The following PTPRD variants were observed in gnomAD, a reference collection of about 807,000 sequenced individuals.
PTPRD encodes receptor-type tyrosine-protein phosphatase delta.
A neutral mutation model predicts 214.5 loss-of-function variants in PTPRD; 34 were observed. The ratio of observed to expected loss-of-function variants is 0.16; its 90% CI spans 0.12 to 0.21. The LOEUF is 0.21. PTPRD is among the 10% of genes least tolerant of loss of function. The pLI, the probability that PTPRD is intolerant of heterozygous loss-of-function variation, is 1.00. For missense variants in PTPRD, 2,545 were observed against 2,398.7 expected, an observed-to-expected ratio of 1.06 and a Z score of -1.27; for synonymous variants, 1,128 against 845.7, an observed-to-expected ratio of 1.33 and a Z score of -5.79.
chr9:9,989,076 G>T (rs1466697756), intron 4 of PTPRD, among the ~76,000 whole-genome samples: 1 of 141,164 alleles, frequency 7.1e-6, no homozygotes, highest in Non-Finnish European at 1.5e-5. Flanking sequence ...CACCCAAAGA[G>T]TTGCTCTGGG....
chr9:8,426,401 G>A (rs10977087), intron 35 of PTPRD, among the ~76,000 whole-genome samples: 4,634 of 152,170 alleles, frequency 0.03, 237 homozygotes, highest in African/African-American at 0.11. Context: ...TTAGCATTCC[G>A]GTGCTAAAAT....
At chr9:9,807,456 G>A (rs952631350) in intron 5 of PTPRD, among the ~76,000 whole-genome samples, 11 of 152,082 alleles carry the variant, frequency 7.2e-5, no homozygotes, top group African/African-American at 2.4e-4. Context: ...AAGCTTGTGG[G>A]AAGATTTCAG....
chr9:9,245,156 T>G (rs1325111810), intron 9 of PTPRD, among the ~76,000 whole-genome samples: 1 of 152,046 alleles, frequency 6.6e-6, no homozygotes, highest in Non-Finnish European at 1.5e-5. Context: ...GGAGAGGATG[T>G]GGAGAAATAG....
chr9:9,455,518 C>T (rs2092865440), intron 8 of PTPRD, among the ~76,000 whole-genome samples: 1 of 151,702 alleles, frequency 6.6e-6, no homozygotes, highest in South Asian at 2.1e-4. Context: ...TACAGCTACT[C>T]TAAAAGTCTG....
chr9:8,913,433 G>T (rs565568343), intron 11 of PTPRD, among the ~76,000 whole-genome samples: 22 of 152,040 alleles, frequency 1.4e-4, no homozygotes, highest in African/African-American at 5.3e-4. Context: ...AAAGCATTTT[G>T]CAACATCCAT....
At chr9:8,915,420 G>A (rs917523084) in intron 11 of PTPRD, among the ~76,000 whole-genome samples, 2 of 152,178 alleles carry the variant, frequency 1.3e-5, no homozygotes, top group African/African-American at 2.4e-5. Context: ...TAAGATCAAC[G>A]GGGATTGTGG....
At chr9:9,502,330 A>ATTG (rs957276197) in intron 8 of PTPRD, among the ~76,000 whole-genome samples, 3 of 151,690 alleles carry the variant, frequency 2.0e-5, no homozygotes, top group African/African-American at 7.2e-5. Flanking sequence ...TGTGATGTTG[A>ATTG]TTGTTTTAGA....
At chr9:9,491,098 TG>T (rs902360935) in intron 8 of PTPRD, among the ~76,000 whole-genome samples, 13 of 151,780 alleles carry the variant, frequency 8.6e-5, no homozygotes, top group African/African-American at 2.9e-4. Flanking sequence ...AGTTAAAGGA[TG>T]GAAAAAAACA....
At chr9:9,943,039 C>T (rs1434680565) in intron 4 of PTPRD, among the ~76,000 whole-genome samples, 1 of 152,088 alleles carries the variant, frequency 6.6e-6, no homozygotes, top group African/African-American at 2.4e-5. Flanking sequence ...GGGGCAAAAG[C>T]TGATAGTGGA....
At chr9:9,107,367 T>C (rs180771710) in intron 10 of PTPRD, among the ~76,000 whole-genome samples, 3 of 152,322 alleles carry the variant, frequency 2.0e-5, no homozygotes, top group Non-Finnish European at 4.4e-5. Context: ...AGCTGCATGC[T>C]TGATTGCCAA....
At chr9:9,051,075 G>A (rs540834048) in intron 10 of PTPRD, among the ~76,000 whole-genome samples, 2 of 152,040 alleles carry the variant, frequency 1.3e-5, no homozygotes, top group South Asian at 4.2e-4. Flanking sequence ...CCTAAGTAGG[G>A]AATTTTTCTA....
rs140684333 is a variant in PTPRD, at chr9:9,773,793, C to A, written c.-367-6942G>T. Among the ~76,000 whole-genome samples, 108 of 152,248 alleles carry A rather than the reference C, an allele frequency of 7.1e-4. 1 individual carries two copies. The highest frequency in any genetic ancestry group is 2.4e-3 in the African/African-American group (99 of 41,564). ...TTCCAACATCCAATTCTTTTATAAA[C>A]TGTGAAGACAGGTGCAAGGCCCTTT... On this transcript the variant is annotated intron_variant, in intron 5 of 45. Transcript: ENST00000381196.
intron 8 of PTPRD, among the ~76,000 whole-genome samples, chr9:9,406,487 C>T (rs1304162304): frequency 6.6e-6 from 1 of 151,880 alleles, no homozygotes; most frequent in Non-Finnish European, 1.5e-5. Context: ...AAACTTCTAC[C>T]TTTTCACTGA....
intron 12 of PTPRD, among the ~76,000 whole-genome samples, chr9:8,680,609 T>C (rs1218552248): frequency 6.6e-6 from 1 of 152,180 alleles, no homozygotes; most frequent in Non-Finnish European, 1.5e-5. Flanking sequence ...CTATATACTA[T>C]ATATGATATT....
At chr9:8,575,302 T>A (rs1252046289) in intron 14 of PTPRD, among the ~76,000 whole-genome samples, 2 of 152,160 alleles carry the variant, frequency 1.3e-5, no homozygotes, top group African/African-American at 2.4e-5. Flanking sequence ...GAATTGAGTA[T>A]CCAGTACCAA....
chr9:8,666,003 CG>C (rs1210345521), intron 12 of PTPRD, among the ~76,000 whole-genome samples: 15 of 149,986 alleles, frequency 1.0e-4, no homozygotes, highest in Admixed American at 8.6e-4. Context: ...ATTATTTCCC[CG>C]TAATTATTAC....
intron 2 of PTPRD, among the ~76,000 whole-genome samples, chr9:10,432,477 A>C (rs1240763001): frequency 2.0e-5 from 3 of 151,866 alleles, no homozygotes; most frequent in Non-Finnish European, 4.4e-5. Context: ...CAAATTCTCA[A>C]CTAATTTATC....
In PTPRD at chr9:10,204,033, A is replaced by C. The variant is rs376096343; in HGVS notation, c.-545+136930T>G. Among the ~76,000 whole-genome samples, 8 of 152,318 alleles carry C rather than the reference A, an allele frequency of 5.3e-5. No homozygotes were observed. The East Asian group carries it at 1.5e-3, about 29-fold the overall frequency. The stretch of plus-strand genomic sequence containing the variant: ...CCCACTCCCCAATAGTGAAAAAAGA[A>C]AATAGCTTCTAATTTTTGTTTTCCA... On this transcript the variant is annotated intron_variant, in intron 3 of 45. Coordinates refer to ENST00000381196, the MANE Select transcript of PTPRD (RefSeq NM_002839.4).
chr9:10,101,680 G>A (rs918752268), intron 3 of PTPRD, among the ~76,000 whole-genome samples: 1 of 151,662 alleles, frequency 6.6e-6, no homozygotes, highest in Non-Finnish European at 1.5e-5. Context: ...TATATTTTAA[G>A]GGTGAAACAA....
Sources: allele counts gnomAD v4.1 joint callset (sites outside exome capture counted in the v4.1 genomes callset), GRCh38; gene constraint gnomAD v4.1.1; transcripts MANE v1.5; gene names NCBI Gene and HGNC (gene_info 2026-07-23, HGNC 2026-07-21).